INPP4B: variants seen among roughly 807,000 people sequenced by gnomAD.
The protein encoded by INPP4B is inositol polyphosphate 4-phosphatase type II.
In INPP4B, 55 loss-of-function variants were observed where a neutral mutation model predicts 122.5. That is an observed-to-expected ratio of 0.45 (90% confidence interval 0.36 to 0.56). The LOEUF is 0.56. Among genes scored for constraint, INPP4B ranks in the 20% least tolerant of loss-of-function variants. INPP4B has a pLI of 0.00. For synonymous variants in INPP4B, 403 were observed against 388.7 expected, an observed-to-expected ratio of 1.04 and a Z score of -0.43; for missense variants, 1,000 against 1,097.7, an observed-to-expected ratio of 0.91 and a Z score of 1.26.
chr4:142,295,003 C>A (rs1758058171), intron 9 of INPP4B, among the ~76,000 whole-genome samples: 1 of 151,404 alleles, frequency 6.6e-6, no homozygotes, highest in Non-Finnish European at 1.5e-5. Context: ...AGAACATTAC[C>A]AGATAAGAAT....
chr4:142,237,712 G>A, intron 12 of INPP4B, 152 bp downstream of exon 12: 1 of 461,904 alleles, frequency 2.2e-6, no homozygotes, highest in East Asian at 3.2e-5. Flanking sequence ...ATAAGTACGT[G>A]AGGTAAGGCA....
chr4:142,485,939 A>C (rs748532925), intron 2 of INPP4B, among the ~76,000 whole-genome samples: 2 of 152,172 alleles, frequency 1.3e-5, no homozygotes, highest in Non-Finnish European at 2.9e-5. Flanking sequence ...CTGTGCAATT[A>C]GGTGACTGAG....
chr4:142,533,648 A>C (rs1827872022), intron 2 of INPP4B, among the ~76,000 whole-genome samples: 1 of 152,156 alleles, frequency 6.6e-6, no homozygotes, highest in Non-Finnish European at 1.5e-5. Context: ...ATTCAGGAAC[A>C]AAGTTAGTGA....
chr4:142,624,400 C>A (rs1423687092), intron 2 of INPP4B, among the ~76,000 whole-genome samples: 1 of 151,616 alleles, frequency 6.6e-6, no homozygotes, highest in Non-Finnish European at 1.5e-5. Flanking sequence ...CCTTCGCCCA[C>A]TTTTTGATGG....
chr4:142,462,906 C>T (rs1231034093), intron 2 of INPP4B, among the ~76,000 whole-genome samples, 180 bp from the exon 3 acceptor site: 1 of 152,190 alleles, frequency 6.6e-6, no homozygotes, highest in African/African-American at 2.4e-5. Context: ...CCAAATTAGT[C>T]AGCTTCATTC....
intron 2 of INPP4B, among the ~76,000 whole-genome samples, chr4:142,638,265 CA>C (rs1388610430): frequency 6.6e-6 from 1 of 152,172 alleles, no homozygotes; most frequent in Admixed American, 6.6e-5. Flanking sequence ...AAACAATCAT[CA>C]CCATACCTAA....
rs977495071 is a variant in INPP4B at position 142,603,772 on chromosome 4, A to G, written c.-191+122067T>C. Reference sequence around the variant, plus strand: ...CAAGAACAGATGGATTCAGTGTAATATTCTACAAAATATATAAAGAAGAAC... The same window carrying G: ...CAAGAACAGATGGATTCAGTGTAATGTTCTACAAAATATATAAAGAAGAAC... On this transcript the variant is annotated intron_variant, in intron 2 of 25. Transcript: ENST00000262992. Among the ~76,000 whole-genome samples the G allele has an allele frequency of 2.0e-5, 3 of 152,282 alleles. No individual in the cohort carries two copies. In the East Asian group the frequency reaches 5.8e-4, roughly 29 times the overall value.
At chr4:142,336,953 T>C (rs1579776199) in intron 7 of INPP4B, among the ~76,000 whole-genome samples, 1 of 152,204 alleles carries the variant, frequency 6.6e-6, no homozygotes, top group Non-Finnish European at 1.5e-5. Flanking sequence ...GAGACAATCA[T>C]TGTCCTTTTG....
chr4:142,544,304 G>A (rs540436867), intron 2 of INPP4B, among the ~76,000 whole-genome samples: 1 of 152,186 alleles, frequency 6.6e-6, no homozygotes, highest in South Asian at 2.1e-4. Flanking sequence ...AAATTCATGA[G>A]TGTTTGATTG....
At chr4:142,263,680 A>ATATATATATATATATATATAT (rs61694410) in intron 10 of INPP4B, among the ~76,000 whole-genome samples, 5 of 81,948 alleles carry the variant, frequency 6.1e-5, no homozygotes, top group African/African-American at 7.6e-5. Context: ...ATATATATAT[A>ATATATATATATATATATATAT]ACATTGAACA....
intron 15 of INPP4B, among the ~76,000 whole-genome samples, chr4:142,186,712 T>A (rs1267306394): frequency 6.6e-6 from 1 of 152,194 alleles, no homozygotes; most frequent in African/African-American, 2.4e-5. Flanking sequence ...AAATTTTGTT[T>A]TTGTATACAG....
intron 2 of INPP4B, among the ~76,000 whole-genome samples, chr4:142,622,619 G>A (rs1745210248): frequency 6.6e-6 from 1 of 151,900 alleles, no homozygotes. Context: ...AAGATGACAG[G>A]CAAGGGGAGA....
At chr4:142,497,256 C>A (rs1822707743) in intron 2 of INPP4B, among the ~76,000 whole-genome samples, 1 of 152,116 alleles carries the variant, frequency 6.6e-6, no homozygotes, top group Non-Finnish European at 1.5e-5. Flanking sequence ...TGATGCTGAG[C>A]CCCAGCTCTC....
chr4:142,603,728 C>T (rs1216113939), intron 2 of INPP4B, among the ~76,000 whole-genome samples: 2 of 151,942 alleles, frequency 1.3e-5, no homozygotes, highest in South Asian at 4.1e-4. Flanking sequence ...ACAAAAAAGT[C>T]TCCAAAGAAA....
At chr4:142,029,601 A>T in intron 25 of INPP4B, 1 of 985,340 alleles carries the variant, frequency 1.0e-6, no homozygotes, top group Non-Finnish European at 1.2e-6. Flanking sequence ...ATTACAAAAC[A>T]TAAATAGCCA....
intron 5 of INPP4B, among the ~76,000 whole-genome samples, chr4:142,421,874 A>G (rs903857212): frequency 2.6e-5 from 4 of 152,036 alleles, no homozygotes; most frequent in Non-Finnish European, 5.9e-5. Flanking sequence ...CCTTACCACA[A>G]TCTGCCTGAC....
At chr4:142,486,916 T>C (rs952110825) in intron 2 of INPP4B, among the ~76,000 whole-genome samples, 6 of 152,174 alleles carry the variant, frequency 3.9e-5, no homozygotes, top group Non-Finnish European at 7.3e-5. Flanking sequence ...CTTGTGGACA[T>C]TGTATTTTGG....
intron 2 of INPP4B, among the ~76,000 whole-genome samples, chr4:142,719,083 A>AT (rs1462259433): frequency 5.3e-5 from 8 of 152,052 alleles, no homozygotes; most frequent in Non-Finnish European, 8.8e-5. Context: ...TTTAAAGCAG[A>AT]TTTTTTTCCA....
chr4:142,555,247 T>C (rs1728888380), intron 2 of INPP4B, among the ~76,000 whole-genome samples: 1 of 152,214 alleles, frequency 6.6e-6, no homozygotes, highest in Admixed American at 6.5e-5. Context: ...CTGGGACTTC[T>C]ACAGGTCACT....
Sources: gnomAD v4.1 joint callset for allele counts (sites outside exome capture counted in the v4.1 genomes callset) on GRCh38, gnomAD v4.1.1 for gene constraint, MANE v1.5 for transcripts, NCBI Gene and HGNC (gene_info 2026-07-23, HGNC 2026-07-21) for gene names.